DNAH8: variants seen among roughly 807,000 people sequenced by gnomAD.
The protein encoded by DNAH8 is dynein axonemal heavy chain 8.
Under a neutral mutation model 562.1 loss-of-function variants are expected in DNAH8, and 382 were observed. That is an observed-to-expected ratio of 0.68 (90% CI 0.63 to 0.74). The LOEUF is 0.74. Among genes scored for constraint, DNAH8 ranks in the 30% least tolerant of loss-of-function variants. The probability of loss-of-function intolerance (pLI) is 0.00; values close to 1 mark genes in which losing one functional copy is unlikely to be tolerated. For missense variants in DNAH8, 5,203 were observed against 5,620.4 expected (o/e 0.93, Z 2.37); for synonymous variants, 1,881 against 1,919.4 (o/e 0.98, Z 0.52).
intron 42 of DNAH8, among the ~76,000 whole-genome samples, chr6:38,860,043 C>T (rs916963795): frequency 2.0e-5 from 3 of 152,152 alleles, no homozygotes; most frequent in Admixed American, 1.3e-4. Flanking sequence ...CCCACACCCT[C>T]ATGATCCCTT....
intron 21 of DNAH8, among the ~76,000 whole-genome samples, chr6:38,795,488 G>A (rs1470486292): frequency 2.0e-5 from 3 of 150,782 alleles, no homozygotes; most frequent in African/African-American, 7.3e-5. Flanking sequence ...GCTGAGGCAG[G>A]AGAATGGCGT....
At chr6:38,762,109 T>G (rs1328499367) in intron 11 of DNAH8, among the ~76,000 whole-genome samples, 1 of 152,144 alleles carries the variant, frequency 6.6e-6, no homozygotes, top group African/African-American at 2.4e-5. Context: ...TTTGCATTGG[T>G]TAGGATTACC....
intron 91 of DNAH8, among the ~76,000 whole-genome samples, chr6:39,016,492 A>G (rs550947054): frequency 1.3e-4 from 19 of 151,040 alleles, no homozygotes; most frequent in Non-Finnish European, 2.4e-4. Flanking sequence ...CGGAGCTTGC[A>G]GTGGGCCGAG....
chr6:38,843,773 G>C (rs1184608924), intron 35 of DNAH8, among the ~76,000 whole-genome samples: 1 of 152,022 alleles, frequency 6.6e-6, no homozygotes, highest in African/African-American at 2.4e-5. Context: ...TATTGGGGTG[G>C]CTGGGAGGAC....
chr6:38,851,228 A>T (rs1312771354), intron 38 of DNAH8, among the ~76,000 whole-genome samples: 1 of 151,796 alleles, frequency 6.6e-6, no homozygotes, highest in African/African-American at 2.4e-5. Context: ...CCTCCCTTTC[A>T]CTCTCAAAAT....
chr6:38,975,214 A>G (rs1399715739), intron 85 of DNAH8, among the ~76,000 whole-genome samples: 1 of 152,160 alleles, frequency 6.6e-6, no homozygotes, highest in Non-Finnish European at 1.5e-5. Context: ...GTCTGTTACG[A>G]TTTTTTAAAT....
chr6:38,757,781 C>T (rs556709393), intron 10 of DNAH8, among the ~76,000 whole-genome samples: 8 of 152,272 alleles, frequency 5.3e-5, no homozygotes, highest in East Asian at 1.9e-4. Context: ...AATAGGGAAT[C>T]GTTTCCCCAT....
intron 82 of DNAH8, among the ~76,000 whole-genome samples, chr6:38,960,419 C>CAAAAAAAAAAAAA (rs67399046): frequency 6.8e-6 from 1 of 146,166 alleles, no homozygotes; most frequent in Non-Finnish European, 1.5e-5. Context: ...AACTCAATAG[C>CAAAAAAAAAAAAA]AAAAAAAAAA....
At chr6:38,991,682 T>G (rs908183164) in intron 88 of DNAH8, among the ~76,000 whole-genome samples, 6 of 152,144 alleles carry the variant, frequency 3.9e-5, no homozygotes, top group Admixed American at 3.9e-4. Flanking sequence ...CCCACCTTCG[T>G]GCCCACTCAG....
intron 60 of DNAH8, 117 bp downstream of exon 60, chr6:38,896,342 G>T: frequency 1.3e-6 from 1 of 797,792 alleles, no homozygotes; most frequent in Non-Finnish European, 2.0e-6. Context: ...GGGAGGCTGA[G>T]GTGGGAGGAT....
chr6:38,884,403 C>T (rs1225630247), intron 56 of DNAH8, among the ~76,000 whole-genome samples: 1 of 152,180 alleles, frequency 6.6e-6, no homozygotes, highest in East Asian at 1.9e-4. Flanking sequence ...AGCAATTCTC[C>T]CTTCCTCAGC....
chr6:38,902,479 A>G (rs969189486), intron 62 of DNAH8, among the ~76,000 whole-genome samples: 11 of 152,168 alleles, frequency 7.2e-5, no homozygotes, highest in African/African-American at 2.4e-4. Flanking sequence ...AATTCTGCTT[A>G]CCTGCCTTGC....
At chr6:38,762,366 G>T (rs1766602975) in intron 11 of DNAH8, among the ~76,000 whole-genome samples, 1 of 152,152 alleles carries the variant, frequency 6.6e-6, no homozygotes, top group Admixed American at 6.5e-5. Context: ...TAATGTGATA[G>T]ATGACATTTT....
rs1033451134 is a variant in DNAH8 at position 38,973,666 on chromosome 6, T to C, written c.12531T>C (p.Gly4177=). 1.3e-6 allele frequency: 2 copies of C among 1,592,464 alleles called. No homozygotes were observed. The highest frequency in any genetic ancestry group is 1.7e-6 in the Non-Finnish European group (2 of 1,172,514). ...KLIQMSMQQG[G]WVLLQNCHLG... ...GAACTTATTTTTGGATACAGGGTGG[T>C]TGGGTATTACTACAAAATTGCCACC... Residue 4177 remains glycine (G), a synonymous_variant, in exon 84 of 93, where the codon GGT becomes GGC. Coordinates refer to ENST00000327475, the MANE Select transcript of DNAH8 (RefSeq NM_001206927.2).
At chr6:39,004,167 A>G (rs954179023) in intron 88 of DNAH8, among the ~76,000 whole-genome samples, 2 of 152,178 alleles carry the variant, frequency 1.3e-5, no homozygotes, top group Non-Finnish European at 2.9e-5. Context: ...CTTGAGCCCA[A>G]GAGTGTTAAG....
Position 38,896,095 on chromosome 6 carries a change from A to G in DNAH8, c.8810A>G (p.Asn2937Ser). The G allele has an allele frequency of 6.2e-7, 1 of 1,614,148 alleles. No homozygotes were observed. The highest frequency in any genetic ancestry group is 8.5e-7 in the Non-Finnish European group (1 of 1,179,996). ...NAHLTRAVEE[N>S]IGSDAASCIL... is the part of the protein sequence containing the mutation. ...CATCTTACTCGTGCAGTTGAAGAAA[A>G]TATTGGCTCTGATGCAGCGTCGTGT... The change falls in exon 60 of 93, where the codon AAT becomes AGT. Residue 2937 changes from asparagine (N) to serine (S), a missense_variant. Coordinates refer to ENST00000327475, the MANE Select transcript of DNAH8 (RefSeq NM_001206927.2).
chr6:38,938,122 C>T lies in DNAH8; in HGVS notation c.11712C>T (p.Arg3904=), dbSNP rs202182124. 65 of 1,613,990 alleles carry T rather than the reference C, an allele frequency of 4.0e-5. No homozygotes were observed. Among genetic ancestry groups the T allele is most frequent in the Admixed American group, 1.7e-4 (10 of 59,990 alleles). The change falls in exon 78 of 93, where the codon CGC becomes CGT. Residue 3904 remains arginine, a synonymous_variant. Coordinates refer to ENST00000327475, the MANE Select transcript of DNAH8 (RefSeq NM_001206927.2). ...AQEEFRPAAT[R]GSILYFLITE... ...AGGAGTTCCGGCCCGCAGCCACCCG[C>T]GGAAGCATCCTCTACTTCCTCATCA...
chr6:38,815,388 G>A (rs1403338455), intron 25 of DNAH8, 80 bp from the exon 26 acceptor site: 8 of 1,165,436 alleles, frequency 6.9e-6, no homozygotes, highest in African/African-American at 1.8e-5. Context: ...GCCCCACTCA[G>A]TGGGGAATGG....
Position 38,791,591 on chromosome 6 carries a change from C to G in DNAH8, c.2818C>G (p.Leu940Val), listed in dbSNP as rs200401493. 21 of 1,613,728 alleles carry G rather than the reference C, an allele frequency of 1.3e-5. No individual in the cohort carries two copies. The East Asian group carries it at 3.6e-4, about 27-fold the overall frequency. The change falls in exon 21 of 93, where the codon CTG (leucine) becomes GTG (valine). Residue 940 changes from leucine (L) to valine (V), a missense_variant. Physicochemically the swap from Leu to Val is conservative, Grantham distance 32 (BLOSUM62 1). Coordinates refer to ENST00000327475, the MANE Select transcript of DNAH8 (RefSeq NM_001206927.2). Reference protein sequence around the residue: ...DLCEMHIDTVLKEIAKTVLIS... With the variant: ...DLCEMHIDTVVKEIAKTVLIS... ...GTGTGAAATGCATATTGATACAGTT[C>G]TGAAGGAGATAGCCAAAACTGTGTT...
Sources: allele counts gnomAD v4.1 joint callset (sites outside exome capture counted in the v4.1 genomes callset), GRCh38; gene constraint gnomAD v4.1.1; transcripts MANE v1.5; gene names NCBI Gene and HGNC (gene_info 2026-07-23, HGNC 2026-07-21).